The following CNTN4 variants were observed in gnomAD, a reference collection of about 807,000 sequenced individuals.
CNTN4 encodes contactin-4.
A neutral mutation model predicts 122.5 loss-of-function variants in CNTN4; 77 were observed. The observed-to-expected ratio is 0.63, with a 90% confidence interval of 0.52 to 0.76. The LOEUF (loss-of-function observed/expected upper bound fraction) is 0.76. Among genes scored for constraint, CNTN4 ranks in the 30% least tolerant of loss-of-function variants. The pLI is 0.00. For missense variants in CNTN4, 1,256 were observed against 1,259.1 expected, an observed-to-expected ratio of 1.00 and a Z score of 0.04; for synonymous variants, 512 against 447.0, an observed-to-expected ratio of 1.15 and a Z score of -1.83.
chr3:2,253,094 A>C (rs1429454595), intron 2 of CNTN4, among the ~76,000 whole-genome samples: 1 of 152,098 alleles, frequency 6.6e-6, no homozygotes. Context: ...GCATTCCTGC[A>C]ATCTAGAATT....
chr3:2,271,707 A>G (rs1422709508), intron 2 of CNTN4, among the ~76,000 whole-genome samples: 1 of 152,148 alleles, frequency 6.6e-6, no homozygotes, highest in Non-Finnish European at 1.5e-5. Flanking sequence ...ATTCTACAGC[A>G]GAAACAGCTA....
chr3:2,788,309 G>A (rs2091904158), intron 6 of CNTN4, among the ~76,000 whole-genome samples: 1 of 152,070 alleles, frequency 6.6e-6, no homozygotes, highest in African/African-American at 2.4e-5. Flanking sequence ...CTTCCATTTT[G>A]CAGACACCCA....
chr3:2,309,495 T>G (rs2150129213), intron 2 of CNTN4, among the ~76,000 whole-genome samples: 1 of 152,292 alleles, frequency 6.6e-6, no homozygotes, highest in South Asian at 2.1e-4. Flanking sequence ...TGTTTCCTAC[T>G]TGTTTTTTAT....
chr3:2,195,862 G>A (rs1014784537), intron 2 of CNTN4, among the ~76,000 whole-genome samples: 1 of 152,156 alleles, frequency 6.6e-6, no homozygotes, highest in Non-Finnish European at 1.5e-5. Context: ...ACTTATTTCT[G>A]GAGATGGAAT....
chr3:2,396,411 C>A (rs1475543798), intron 3 of CNTN4, among the ~76,000 whole-genome samples: 1 of 152,074 alleles, frequency 6.6e-6, no homozygotes, highest in East Asian at 1.9e-4. Flanking sequence ...AAAGACCCAC[C>A]GTATGAAAAC....
intron 13 of CNTN4, among the ~76,000 whole-genome samples, chr3:2,957,335 C>T (rs427502): frequency 0.56 from 84,735 of 151,846 alleles, 23,925 homozygotes; most frequent in South Asian, 0.74. Context: ...TCATTCTTAG[C>T]GGTGTGAGAA....
intron 2 of CNTN4, among the ~76,000 whole-genome samples, chr3:2,196,087 A>G (rs1333429087): frequency 6.6e-6 from 1 of 152,228 alleles, no homozygotes; most frequent in South Asian, 2.1e-4. Flanking sequence ...TGCTTAATGA[A>G]AATTCAGAAG....
chr3:2,440,388 A>G (rs2048391962), intron 3 of CNTN4, among the ~76,000 whole-genome samples: 1 of 152,178 alleles, frequency 6.6e-6, no homozygotes, highest in East Asian at 1.9e-4. Context: ...TTCCAAATGT[A>G]TGAATGAAAT....
chr3:2,567,123 TG>T, intron 3 of CNTN4, among the ~76,000 whole-genome samples: 1 of 150,168 alleles, frequency 6.7e-6, no homozygotes, highest in East Asian at 2.0e-4. Flanking sequence ...TCTTGCTCAT[TG>T]TCCAGGCTGG....
At chr3:2,974,465 C>A (rs78446743) in intron 13 of CNTN4, among the ~76,000 whole-genome samples, 1 of 152,118 alleles carries the variant, frequency 6.6e-6, no homozygotes. Flanking sequence ...CACAAAAAAC[C>A]TATGAAATTC....
chr3:2,477,781 A>G (rs1343023774), intron 3 of CNTN4, among the ~76,000 whole-genome samples: 1 of 152,208 alleles, frequency 6.6e-6, no homozygotes, highest in Non-Finnish European at 1.5e-5. Context: ...ACTAATTTCC[A>G]TCACTGAGTT....
intron 4 of CNTN4, among the ~76,000 whole-genome samples, chr3:2,632,681 T>C (rs1559328647): frequency 2.0e-5 from 3 of 152,144 alleles, no homozygotes; most frequent in Non-Finnish European, 2.9e-5. Flanking sequence ...CAAATAGAGA[T>C]AAAGACCTCA....
intron 3 of CNTN4, among the ~76,000 whole-genome samples, chr3:2,526,054 T>C (rs2077386890): frequency 6.6e-6 from 1 of 152,132 alleles, no homozygotes; most frequent in African/African-American, 2.4e-5. Flanking sequence ...AAAAAGGTAG[T>C]GTGACTGCAG....
At chr3:2,945,094 GC>G (rs2151540565) in intron 13 of CNTN4, among the ~76,000 whole-genome samples, 1 of 152,280 alleles carries the variant, frequency 6.6e-6, no homozygotes, top group African/African-American at 2.4e-5. Flanking sequence ...GCTTTAAGCT[GC>G]CCCATATTCT....
At chr3:2,279,208 A>C (rs1240867192) in intron 2 of CNTN4, among the ~76,000 whole-genome samples, 1 of 152,220 alleles carries the variant, frequency 6.6e-6, no homozygotes, top group Non-Finnish European at 1.5e-5. Context: ...AATAAATTTG[A>C]TAATGAGGGG....
intron 2 of CNTN4, among the ~76,000 whole-genome samples, chr3:2,154,752 G>A (rs1041580970): frequency 2.0e-5 from 3 of 152,140 alleles, no homozygotes; most frequent in East Asian, 1.9e-4. Context: ...CACGTTCAGA[G>A]GTTCCCATGG....
At chr3:2,338,228 T>C (rs2044037480) in intron 2 of CNTN4, among the ~76,000 whole-genome samples, 1 of 152,048 alleles carries the variant, frequency 6.6e-6, no homozygotes. Context: ...TTGTTATCGA[T>C]ATTATCCTGA....
intron 4 of CNTN4, among the ~76,000 whole-genome samples, chr3:2,617,693 T>A (rs2081825168): frequency 1.3e-5 from 2 of 152,068 alleles, no homozygotes; most frequent in Admixed American, 1.3e-4. Flanking sequence ...AGTGCTGGGA[T>A]TACAGGTGTG....
chr3:2,682,462 G>A (rs893815923), intron 4 of CNTN4, among the ~76,000 whole-genome samples: 1 of 152,120 alleles, frequency 6.6e-6, no homozygotes, highest in South Asian at 2.1e-4. Context: ...CCAGCATCTT[G>A]TATTTAATTT....
Sources: gnomAD v4.1 joint callset for allele counts (sites outside exome capture counted in the v4.1 genomes callset) on GRCh38, gnomAD v4.1.1 for gene constraint, MANE v1.5 for transcripts, NCBI Gene and HGNC (gene_info 2026-07-23, HGNC 2026-07-21) for gene names.